Variants in EHMT1 observed in about 807,000 individuals in gnomAD.
EHMT1 encodes the protein histone-lysine N-methyltransferase EHMT1.
A neutral mutation model predicts 147.2 loss-of-function variants in EHMT1; 15 were observed. The ratio of observed to expected loss-of-function variants is 0.10; its 90% CI spans 0.07 to 0.16. EHMT1 has a LOEUF of 0.16. Among genes scored for constraint, EHMT1 ranks in the 10% least tolerant of loss-of-function variants. EHMT1 has a pLI of 1.00. For missense variants in EHMT1, 1,587 were observed against 1,772.4 expected (o/e 0.90, Z 1.88); for synonymous variants, 795 against 709.6 (o/e 1.12, Z -1.91).
At chr9:137,744,578 C>T (rs1948393028) in intron 6 of EHMT1, among the ~76,000 whole-genome samples, 1 of 152,224 alleles carries the variant, frequency 6.6e-6, no homozygotes, top group South Asian at 2.1e-4. Context: ...CCTCAGTCTC[C>T]CAGTGTTGGG....
At chr9:137,637,357 T>C (rs1379605582) in intron 1 of EHMT1, 2 of 152,206 alleles carry the variant, frequency 1.3e-5, no homozygotes, top group Non-Finnish European at 1.5e-5. Flanking sequence ...GTATTTTTAG[T>C]AGAGATGGGA....
chr9:137,677,579 C>T (rs1941487909), intron 1 of EHMT1, among the ~76,000 whole-genome samples: 1 of 152,018 alleles, frequency 6.6e-6, no homozygotes, highest in South Asian at 2.1e-4. Flanking sequence ...GCGCCCGCCA[C>T]CACGCCCGGC....
chr9:137,709,403 C>T (rs1273005292), intron 1 of EHMT1, among the ~76,000 whole-genome samples: 1 of 152,222 alleles, frequency 6.6e-6, no homozygotes, highest in Non-Finnish European at 1.5e-5. Flanking sequence ...CTGGGCCCCC[C>T]TGCCTTACCG....
Position 137,787,997 on chromosome 9 carries a change from T to G in EHMT1, c.2383-2851T>G, listed in dbSNP as rs576045608. On this transcript the variant is annotated intron_variant, in intron 15 of 26. Coordinates refer to ENST00000460843, the MANE Select transcript of EHMT1 (RefSeq NM_024757.5). The surrounding 1 kb of genome is among the most constrained non-coding windows in gnomAD (Gnocchi z 4.2). The stretch of plus-strand genomic sequence containing the variant: ...CCCCAGGAACTGAGGTGCCCTGCAG[T>G]AAGTGGAGAGGCCAGGCCCTAGGCT... 28 of 1,465,324 alleles carry G rather than the reference T, an allele frequency of 1.9e-5. No individual in the cohort carries two copies. The Admixed American group carries it at 4.2e-4, about 22-fold the overall frequency. 90.8% of individuals were successfully genotyped at this position (1,465,324 alleles called of 1,614,324 possible).
At chr9:137,810,679 G>C (rs1385857841) in intron 18 of EHMT1, among the ~76,000 whole-genome samples, 1 of 151,838 alleles carries the variant, frequency 6.6e-6, no homozygotes, top group East Asian at 1.9e-4. Context: ...ATTTAAAAGA[G>C]GCCTTTTTTA....
intron 10 of EHMT1, chr9:137,763,248 G>A (rs1949976874): frequency 2.8e-6 from 1 of 352,194 alleles, no homozygotes; most frequent in South Asian, 3.0e-5. Context: ...CTTTCACCGG[G>A]GATCACAGAC....
chr9:137,631,515 A>G (rs1370770826), intron 1 of EHMT1, among the ~76,000 whole-genome samples: 1 of 152,236 alleles, frequency 6.6e-6, no homozygotes, highest in East Asian at 1.9e-4. Context: ...TTATGAATAT[A>G]CAGTCATGTG....
rs922501050 is a variant in EHMT1, at chr9:137,818,189, C to T, written c.3540+51C>T. 3 of 1,588,040 alleles carry T rather than the reference C, an allele frequency of 1.9e-6. No individual in the cohort carries two copies. The African/African-American group carries it at 4.0e-5, about 21-fold the overall frequency. On this transcript the variant is annotated intron_variant, in intron 25 of 26. Coordinates refer to ENST00000460843, the MANE Select transcript of EHMT1 (RefSeq NM_024757.5). The stretch of plus-strand genomic sequence containing the variant: ...CACGCAGAACTTGTGAACTGTAAAA[C>T]CTGAATGTGTTTGTCCCAGTAGGGC...
intron 9 of EHMT1, 93 bp from the exon 10 acceptor site, chr9:137,762,582 G>A: frequency 1.9e-6 from 3 of 1,595,242 alleles, no homozygotes; most frequent in Non-Finnish European, 2.6e-6. Flanking sequence ...TTCCTGGCGT[G>A]TGAGATCACT....
At position 137,776,881 on chromosome 9, in the gene EHMT1, T is replaced by C. The variant is rs754805911; in HGVS notation, c.2018+37T>C. 6.2e-7 allele frequency: 1 copy of C among 1,602,204 alleles called. No individual in the cohort carries two copies. Among genetic ancestry groups the C allele is most frequent in the South Asian group, 1.1e-5 (1 of 90,314 alleles). ...AGGCTCTGGCTGGGCTCTCCAGTCG[T>C]CCACCTGAAAAAGTTTCAGTTGTTA... On this transcript the variant is annotated intron_variant, in intron 12 of 26. Coordinates refer to ENST00000460843, the MANE Select transcript of EHMT1 (RefSeq NM_024757.5). This position sits in a 1 kb window ranked among gnomAD's most constrained non-coding sequence, Gnocchi z 4.4.
chr9:137,692,731 G>A (rs897945459), intron 1 of EHMT1, among the ~76,000 whole-genome samples: 18 of 152,198 alleles, frequency 1.2e-4, no homozygotes, highest in African/African-American at 3.1e-4. Flanking sequence ...TGTGTGTGTC[G>A]GACGGCAGTG....
In EHMT1 at chr9:137,776,908, C is replaced by G; in HGVS notation, c.2018+64C>G. On this transcript the variant is annotated intron_variant, in intron 12 of 26. Transcript: ENST00000460843. This position sits in a 1 kb window ranked among gnomAD's most constrained non-coding sequence, Gnocchi z 4.4. Reference sequence around the variant, plus strand: ...CACCTGAAAAAGTTTCAGTTGTTAACTCAACGTTATTGCTTCCTGCTGTTT... The same window carrying G: ...CACCTGAAAAAGTTTCAGTTGTTAAGTCAACGTTATTGCTTCCTGCTGTTT... 6.7e-7 allele frequency: 1 copy of G among 1,491,094 alleles called. No homozygotes were observed. Among genetic ancestry groups the G allele is most frequent in the Non-Finnish European group, 9.2e-7 (1 of 1,081,910 alleles). The allele number at this position is 1,491,094 out of a possible 1,614,324, so 92.4% of individuals were successfully genotyped here.
At chr9:137,717,368 T>C (rs1945435421) in intron 3 of EHMT1, 186 bp downstream of exon 3, 3 of 779,502 alleles carry the variant, frequency 3.8e-6, no homozygotes, top group South Asian at 1.6e-5. Context: ...TTTGGGAGGC[T>C]GAGGCGGGTG....
chr9:137,704,113 C>T (rs918067464), intron 1 of EHMT1, among the ~76,000 whole-genome samples: 7 of 152,142 alleles, frequency 4.6e-5, no homozygotes, highest in East Asian at 1.9e-4. Flanking sequence ...AGATATATCA[C>T]GAAAACAGCA....
At chr9:137,817,221 G>C (rs1413741710) in intron 23 of EHMT1, 2 of 623,272 alleles carry the variant, frequency 3.2e-6, no homozygotes, top group Non-Finnish European at 5.8e-6. Flanking sequence ...GACTTGCCGA[G>C]GTTGTGGGCT....
chr9:137,634,868 A>ATTTTTTTTTTT (rs781056803), intron 1 of EHMT1, among the ~76,000 whole-genome samples: 81 of 92,068 alleles, frequency 8.8e-4, no homozygotes, highest in African/African-American at 1.1e-3. Context: ...TGCCCAGCTA[A>ATTTTTTTTTTT]TTTTTTTTTT....
At chr9:137,814,920 T>A in intron 22 of EHMT1, 1 of 333,532 alleles carries the variant, frequency 3.0e-6, no homozygotes, top group South Asian at 2.8e-5. Flanking sequence ...GCGCTGGGCT[T>A]GAGGAGACAC....
chr9:137,622,170 GTGCAGTGGC>G (rs535090855), intron 1 of EHMT1, among the ~76,000 whole-genome samples: 68 of 135,186 alleles, frequency 5.0e-4, no homozygotes, highest in East Asian at 3.6e-3. Context: ...CCAGGCTGGA[GTGCAGTGGC>G]CCGATCTTGG....
chr9:137,734,480 G>A (rs1241890648), intron 4 of EHMT1, among the ~76,000 whole-genome samples: 3 of 152,188 alleles, frequency 2.0e-5, no homozygotes, highest in Admixed American at 2.0e-4. Context: ...AGTGAGCAGA[G>A]CCTGGGGACC....
Sources: allele counts gnomAD v4.1 joint callset (sites outside exome capture counted in the v4.1 genomes callset), GRCh38; gene constraint gnomAD v4.1.1; non-coding constraint Gnocchi (gnomAD v3.1); transcripts MANE v1.5; gene names NCBI Gene and HGNC (gene_info 2026-07-23, HGNC 2026-07-21).